TTC7A: variants seen among roughly 807,000 people sequenced by gnomAD.
TTC7A encodes tetratricopeptide repeat protein 7A.
A neutral mutation model predicts 103.7 loss-of-function variants in TTC7A; 110 were observed. The observed-to-expected ratio is 1.06, with a 90% confidence interval of 0.91 to 1.24. The LOEUF (loss-of-function observed/expected upper bound fraction) is 1.24. Among genes scored for constraint, TTC7A ranks in the 50% most tolerant of loss-of-function variants. TTC7A has a pLI of 0.00. For synonymous variants in TTC7A, 521 were observed against 467.9 expected (o/e 1.11, Z -1.47); for missense variants, 1,340 against 1,116.3 (o/e 1.20, Z -2.86).
chr2:46,974,714 G>A, intron 3 of TTC7A: 1 of 576,166 alleles, frequency 1.7e-6, no homozygotes, highest in Non-Finnish European at 3.3e-6. Flanking sequence ...ACAGAGGAGG[G>A]GTCAGGAGTG....
intron 19 of TTC7A, among the ~76,000 whole-genome samples, chr2:47,064,248 C>G (rs754370684): frequency 7.2e-5 from 11 of 152,186 alleles, no homozygotes; most frequent in Non-Finnish European, 1.6e-4. Context: ...CAGGGGCCTC[C>G]GGGAAACTGG....
intron 5 of TTC7A, among the ~76,000 whole-genome samples, chr2:46,981,134 A>G (rs1448953645): frequency 6.6e-6 from 1 of 152,166 alleles, no homozygotes; most frequent in East Asian, 1.9e-4. Flanking sequence ...GGCCCTTGAC[A>G]GAAAAAATTT....
At chr2:47,024,488 A>G in intron 14 of TTC7A, 129 bp downstream of exon 14, 1 of 809,176 alleles carries the variant, frequency 1.2e-6, no homozygotes. Flanking sequence ...CTTATCTGTC[A>G]TGTAAGTCCT....
At chr2:47,025,008 A>T (rs533269158) in intron 14 of TTC7A, among the ~76,000 whole-genome samples, 105 of 152,240 alleles carry the variant, frequency 6.9e-4, no homozygotes, top group African/African-American at 2.5e-3. Context: ...GCATGCACAC[A>T]TCCTCCAAAA....
chr2:46,956,723 G>A (rs1364753471), intron 2 of TTC7A, 116 bp from the exon 3 acceptor site: 4 of 1,062,548 alleles, frequency 3.8e-6, no homozygotes, highest in Non-Finnish European at 5.7e-6. Context: ...AGGCTTTCTG[G>A]AGGAGGAGGG....
intron 11 of TTC7A, among the ~76,000 whole-genome samples, chr2:47,017,857 C>T (rs1383827520): frequency 2.0e-5 from 3 of 152,134 alleles, no homozygotes; most frequent in African/African-American, 7.2e-5. Context: ...ACTCAGATGA[C>T]ACTTGCCATC....
chr2:47,062,161 G>A (rs988528733), intron 19 of TTC7A, among the ~76,000 whole-genome samples: 1 of 152,214 alleles, frequency 6.6e-6, no homozygotes, highest in East Asian at 1.9e-4. Context: ...CATAGTCTAG[G>A]CACATACTCA....
At chr2:46,967,407 C>A (rs992944301) in intron 3 of TTC7A, among the ~76,000 whole-genome samples, 2 of 152,132 alleles carry the variant, frequency 1.3e-5, no homozygotes, top group African/African-American at 4.8e-5. Flanking sequence ...AACAGCAACG[C>A]CCCATTCCCT....
At chr2:47,005,112 G>A (rs1454019592) in intron 8 of TTC7A, among the ~76,000 whole-genome samples, 1 of 152,182 alleles carries the variant, frequency 6.6e-6, no homozygotes, top group African/African-American at 2.4e-5. Flanking sequence ...AATCCTCGGC[G>A]CTGGACGCCA....
chr2:47,073,192 C>T (rs768286740), intron 19 of TTC7A, among the ~76,000 whole-genome samples: 17 of 152,176 alleles, frequency 1.1e-4, no homozygotes, highest in Non-Finnish European at 2.1e-4. Context: ...CGTCTCTCTG[C>T]GTCCCTGGAG....
intron 3 of TTC7A, among the ~76,000 whole-genome samples, chr2:46,968,158 G>T (rs775547678): frequency 8.5e-5 from 13 of 152,354 alleles, no homozygotes; most frequent in South Asian, 2.1e-4. Context: ...GACCAGCCTG[G>T]TGTTGGGCCT....
Position 47,073,947 on chromosome 2 carries a change from A to G in TTC7A, c.*24A>G, listed in dbSNP as rs1210829808. ...GACGACGCTGCAGCCGCAGGGAGGGAGGGGCTGGCCAGAGGGAGAGGCAGC... is the reference window on the plus strand; with the variant it reads ...GACGACGCTGCAGCCGCAGGGAGGGGGGGGCTGGCCAGAGGGAGAGGCAGC... On this transcript the variant is annotated 3_prime_UTR_variant, in exon 20 of 20. Coordinates refer to ENST00000319190, the MANE Select transcript of TTC7A (RefSeq NM_020458.4). 5 of 1,593,434 alleles carry G rather than the reference A, an allele frequency of 3.1e-6. No individual in the cohort carries two copies. Among genetic ancestry groups the G allele is most frequent in the Non-Finnish European group, 3.4e-6 (4 of 1,167,836 alleles).
intron 5 of TTC7A, among the ~76,000 whole-genome samples, chr2:46,992,224 G>A (rs1675704739): frequency 6.6e-6 from 1 of 152,268 alleles, no homozygotes; most frequent in Non-Finnish European, 1.5e-5. Context: ...CTACGTGGCA[G>A]GAGCTGCTGG....
chr2:46,985,277 A>C (rs919649023), intron 5 of TTC7A, among the ~76,000 whole-genome samples: 3 of 151,962 alleles, frequency 2.0e-5, no homozygotes, highest in African/African-American at 7.3e-5. Context: ...CACCACCCTG[A>C]AGAGGGGTAG....
chr2:46,973,480 C>G (rs1673557693), intron 3 of TTC7A, among the ~76,000 whole-genome samples: 1 of 151,852 alleles, frequency 6.6e-6, no homozygotes, highest in African/African-American at 2.4e-5. Context: ...GAGGATGGAT[C>G]CCTCCCACTG....
intron 10 of TTC7A, among the ~76,000 whole-genome samples, chr2:47,010,662 C>T (rs1024319404): frequency 2.6e-5 from 4 of 152,134 alleles, no homozygotes; most frequent in East Asian, 1.9e-4. Flanking sequence ...CCCCCAACCC[C>T]GCCATTGGCC....
chr2:46,982,515 T>C (rs1297151767), intron 5 of TTC7A, among the ~76,000 whole-genome samples: 4 of 152,240 alleles, frequency 2.6e-5, no homozygotes, highest in Non-Finnish European at 4.4e-5. Context: ...CCAGCTCTTA[T>C]GACAAGCCTG....
intron 2 of TTC7A, among the ~76,000 whole-genome samples, chr2:46,933,974 T>A (rs1236831597): frequency 6.6e-6 from 1 of 152,172 alleles, no homozygotes; most frequent in African/African-American, 2.4e-5. Context: ...GGTGCTCTAC[T>A]TCTGATGGCT....
At chr2:46,937,918 T>C (rs1670061929), upstream of TTC7A, among the ~76,000 whole-genome samples, 1 of 152,142 alleles carries the variant, frequency 6.6e-6, no homozygotes. The surrounding 1 kb of genome is among the most constrained non-coding windows in gnomAD (Gnocchi z 4.0). Flanking sequence ...TGAAGAAAAC[T>C]ACTGTGTATA....
Sources: gnomAD v4.1 joint callset for allele counts (sites outside exome capture counted in the v4.1 genomes callset) on GRCh38, gnomAD v4.1.1 for gene constraint, Gnocchi (gnomAD v3.1) non-coding constraint, MANE v1.5 for transcripts, NCBI Gene and HGNC (gene_info 2026-07-23, HGNC 2026-07-21) for gene names.